Variants in TULP4 observed in about 807,000 individuals in gnomAD.
TULP4 encodes TUB like protein 4.
TULP4 carries 16 observed loss-of-function variants against 129.0 expected under a neutral mutation model. The ratio of observed to expected loss-of-function variants is 0.12; its 90% confidence interval spans 0.08 to 0.19. TULP4 has a LOEUF of 0.19. TULP4 is among the 10% of genes least tolerant of loss of function. The pLI, the probability that TULP4 is intolerant of heterozygous loss-of-function variation, is 1.00. For synonymous variants in TULP4, 998 were observed against 854.0 expected (o/e 1.17, Z -2.94); for missense variants, 1,842 against 2,059.1 (o/e 0.89, Z 2.04).
intron 3 of TULP4, among the ~76,000 whole-genome samples, chr6:158,443,846 T>C (rs1778954048): frequency 6.6e-6 from 1 of 152,166 alleles, no homozygotes; most frequent in African/African-American, 2.4e-5. Flanking sequence ...CAGTGACTGT[T>C]TATTTAGTTG....
chr6:158,299,261 G>A (rs1470791252), intron 1 of TULP4, among the ~76,000 whole-genome samples: 3 of 152,104 alleles, frequency 2.0e-5, no homozygotes, highest in Non-Finnish European at 4.4e-5. Context: ...TAGCCTCCAG[G>A]CATTCCCTTC....
chr6:158,232,701 A>G (rs1281668301), intron 1 of TULP4, among the ~76,000 whole-genome samples: 1 of 151,468 alleles, frequency 6.6e-6, no homozygotes, highest in Non-Finnish European at 1.5e-5. Flanking sequence ...AATCCCTGAA[A>G]ACGGTTTCCC....
intron 1 of TULP4, among the ~76,000 whole-genome samples, chr6:158,274,694 C>T (rs6912265): frequency 6.6e-6 from 1 of 152,018 alleles, no homozygotes; most frequent in East Asian, 1.9e-4. Flanking sequence ...GGAGAATGGC[C>T]TGAACCCAGG....
chr6:158,297,403 G>A (rs1161755788), intron 1 of TULP4, among the ~76,000 whole-genome samples: 3 of 152,074 alleles, frequency 2.0e-5, no homozygotes, highest in African/African-American at 4.8e-5. Context: ...TTTACAATCA[G>A]TTTGTACAGT....
intron 1 of TULP4, among the ~76,000 whole-genome samples, chr6:158,271,099 G>A (rs1021505585): frequency 6.7e-6 from 1 of 149,268 alleles, no homozygotes; most frequent in East Asian, 2.0e-4. Context: ...GCAGTTAGCC[G>A]AGATCGCGCC....
intron 1 of TULP4, among the ~76,000 whole-genome samples, chr6:158,377,627 C>T (rs1281251401): frequency 2.6e-5 from 4 of 152,148 alleles, no homozygotes; most frequent in Non-Finnish European, 5.9e-5. Flanking sequence ...TGGAGATGAG[C>T]ATGATAGGGC....
At position 158,511,752 on chromosome 6, in the gene TULP4, CCTT is replaced by C. The variant is rs1199964676; in HGVS notation, c.*5059_*5061del. 1.3e-5 allele frequency: 2 copies of C among 152,192 alleles called. No individual in the cohort carries two copies. The highest frequency in any genetic ancestry group is 4.8e-5 in the African/African-American group (2 of 41,442). The allele number at this position is 152,192 out of a possible 1,614,324, so 9.4% of individuals were successfully genotyped here. A position where few individuals can be genotyped will look rare whatever the true frequency, so the allele number is the denominator to read the frequency against. The stretch of plus-strand genomic sequence containing the variant: ...CTTTATTACTGAGACGGATTAATCT[CCTT>C]ATTTTTTTCTTGATGATTTGAAGTT... On this transcript the variant is annotated 3_prime_UTR_variant, in exon 14 of 14. Coordinates refer to ENST00000367097, the MANE Select transcript of TULP4 (RefSeq NM_020245.5).
chr6:158,373,400 A>G (rs1175685429), intron 1 of TULP4, among the ~76,000 whole-genome samples: 1 of 152,168 alleles, frequency 6.6e-6, no homozygotes, highest in Non-Finnish European at 1.5e-5. Context: ...TTCCTTTGAC[A>G]AGCCACCGCT....
intron 1 of TULP4, among the ~76,000 whole-genome samples, chr6:158,269,400 A>G (rs966805257): frequency 7.1e-6 from 1 of 141,120 alleles, no homozygotes; most frequent in Non-Finnish European, 1.6e-5. Flanking sequence ...AAAAAAAAAA[A>G]GGATTTTCCT....
At chr6:158,478,595 C>T (rs1779871185) in intron 6 of TULP4, among the ~76,000 whole-genome samples, 1 of 152,162 alleles carries the variant, frequency 6.6e-6, no homozygotes, top group Non-Finnish European at 1.5e-5. Context: ...TTTCCAGACT[C>T]CTTGGCCAAC....
At chr6:158,387,592 C>T (rs561048654) in intron 1 of TULP4, among the ~76,000 whole-genome samples, 1 of 152,200 alleles carries the variant, frequency 6.6e-6, no homozygotes, top group African/African-American at 2.4e-5. Context: ...AAGGCATGTT[C>T]TACTTGCTGT....
chr6:158,323,338 G>T (rs1025195314), intron 1 of TULP4, among the ~76,000 whole-genome samples: 1 of 152,152 alleles, frequency 6.6e-6, no homozygotes, highest in Non-Finnish European at 1.5e-5. Flanking sequence ...ACTTATGCAG[G>T]TGCTCAGATA....
intron 1 of TULP4, among the ~76,000 whole-genome samples, chr6:158,390,689 A>G (rs906849791): frequency 2.0e-5 from 3 of 152,244 alleles, no homozygotes; most frequent in Non-Finnish European, 1.5e-5. Flanking sequence ...TTGAAGAGTC[A>G]TATGACGTGA....
chr6:158,330,590 TC>T (rs1779854850), intron 1 of TULP4, among the ~76,000 whole-genome samples: 1 of 152,202 alleles, frequency 6.6e-6, no homozygotes, highest in South Asian at 2.1e-4. Context: ...AATGTGTATT[TC>T]CTAAGAACAA....
chr6:158,294,354 C>T (rs1466696504), intron 1 of TULP4, among the ~76,000 whole-genome samples: 1 of 149,536 alleles, frequency 6.7e-6, no homozygotes, highest in Non-Finnish European at 1.5e-5. Context: ...CAGAGCAAGA[C>T]TCCATCTCAA....
At chr6:158,501,292 A>G (rs900271908) in intron 12 of TULP4, among the ~76,000 whole-genome samples, 11 of 152,210 alleles carry the variant, frequency 7.2e-5, no homozygotes, top group East Asian at 1.9e-4. Flanking sequence ...CAAGTCCTCA[A>G]TGGAGGTTTT....
At chr6:158,238,415 GTT>G (rs71030150) in intron 1 of TULP4, 30,464 of 316,678 alleles carry the variant, frequency 0.096, 166 homozygotes, top group Middle Eastern at 0.13. Context: ...TTGTTAAATT[GTT>G]TTTTTTTTTT....
At chr6:158,458,293 A>G (rs1251958032) in intron 5 of TULP4, among the ~76,000 whole-genome samples, 1 of 152,208 alleles carries the variant, frequency 6.6e-6, no homozygotes, top group Non-Finnish European at 1.5e-5. Flanking sequence ...AAGGATCCAT[A>G]AGATTTTCTG....
intron 1 of TULP4, among the ~76,000 whole-genome samples, chr6:158,297,402 A>G (rs1779053711): frequency 6.6e-6 from 1 of 152,192 alleles, no homozygotes; most frequent in African/African-American, 2.4e-5. Context: ...TTTTACAATC[A>G]GTTTGTACAG....
Sources: allele counts gnomAD v4.1 joint callset (sites outside exome capture counted in the v4.1 genomes callset), GRCh38; gene constraint gnomAD v4.1.1; transcripts MANE v1.5; gene names NCBI Gene and HGNC (gene_info 2026-07-23, HGNC 2026-07-21).